The following SGPP1 variants were observed in gnomAD, a reference collection of about 807,000 sequenced individuals.
SGPP1 encodes the protein sphingosine-1-phosphate phosphatase 1, also known as hSPP1.
In SGPP1, 21 loss-of-function variants were observed where a neutral mutation model predicts 33.0. That is an observed-to-expected ratio of 0.64 (90% confidence interval 0.45 to 0.92). The LOEUF (loss-of-function observed/expected upper bound fraction) is 0.92. Among genes scored for constraint, SGPP1 ranks in the 40% least tolerant of loss-of-function variants. SGPP1 has a pLI of 0.00. For synonymous variants in SGPP1, 239 were observed against 241.2 expected (o/e 0.99, Z 0.08); for missense variants, 543 against 589.4 (o/e 0.92, Z 0.81).
At chr14:63,710,759 C>T (rs904471178) in intron 1 of SGPP1, among the ~76,000 whole-genome samples, 11 of 152,106 alleles carry the variant, frequency 7.2e-5, no homozygotes, top group Admixed American at 3.9e-4. Flanking sequence ...TCCTAAGGGA[C>T]GAGATCATGT....
chr14:63,702,963 G>GA (rs1255107820), intron 1 of SGPP1, among the ~76,000 whole-genome samples: 1 of 151,886 alleles, frequency 6.6e-6, no homozygotes, highest in African/African-American at 2.4e-5. Flanking sequence ...ATATGTACAG[G>GA]AAAAAAACAG....
chr14:63,711,212 C>A (rs113406905), intron 1 of SGPP1, among the ~76,000 whole-genome samples: 1 of 151,834 alleles, frequency 6.6e-6, no homozygotes, highest in Non-Finnish European at 1.5e-5. Flanking sequence ...ACGGGATTTC[C>A]ACATGTTGGC....
chr14:63,722,708 G>C (rs527715097), intron 1 of SGPP1, among the ~76,000 whole-genome samples: 1 of 152,138 alleles, frequency 6.6e-6, no homozygotes, highest in East Asian at 1.9e-4. Context: ...GCTGACGCCT[G>C]TAATACCAGC....
At chr14:63,695,065 TA>T (rs532355853) in intron 2 of SGPP1, among the ~76,000 whole-genome samples, 428 of 152,254 alleles carry the variant, frequency 2.8e-3, no homozygotes, top group Non-Finnish European at 4.7e-3. Flanking sequence ...TATTTTATTT[TA>T]TTTTTTTTGA....
intron 1 of SGPP1, among the ~76,000 whole-genome samples, chr14:63,715,426 T>C (rs1309975244): frequency 6.6e-6 from 1 of 152,206 alleles, no homozygotes; most frequent in Non-Finnish European, 1.5e-5. Flanking sequence ...GTCTATTTTA[T>C]TGTTTAAAGT....
intron 1 of SGPP1, among the ~76,000 whole-genome samples, chr14:63,701,679 AC>A (rs1318543264): frequency 6.6e-6 from 1 of 152,108 alleles, no homozygotes; most frequent in Non-Finnish European, 1.5e-5. Flanking sequence ...CTGGGAGGCC[AC>A]CATAAGAAAA....
At chr14:63,707,150 A>T (rs887217261) in intron 1 of SGPP1, among the ~76,000 whole-genome samples, 1 of 151,900 alleles carries the variant, frequency 6.6e-6, no homozygotes, top group Non-Finnish European at 1.5e-5. Flanking sequence ...ACCTATTTGC[A>T]TCTAATGTCA....
At chr14:63,707,999 A>C (rs886186250) in intron 1 of SGPP1, among the ~76,000 whole-genome samples, 2 of 152,158 alleles carry the variant, frequency 1.3e-5, no homozygotes, top group African/African-American at 4.8e-5. Context: ...TTACAATGGC[A>C]AACTCAAATT....
chr14:63,718,586 G>A (rs184936508), intron 1 of SGPP1, among the ~76,000 whole-genome samples: 2,054 of 151,998 alleles, frequency 0.014, 57 homozygotes, highest in African/African-American at 0.047. Flanking sequence ...CAAAGAGAGG[G>A]CAGGGATAAG....
chr14:63,696,481 A>G lies in SGPP1; in HGVS notation c.774+2088T>C, dbSNP rs375302876. Among the ~76,000 whole-genome samples the G allele has an allele frequency of 1.8e-4, 27 of 152,342 alleles. No individual in the cohort carries two copies. The East Asian group carries it at 4.6e-3, about 26-fold the overall frequency. ...AGTTTTTTCAGAAGTAGTGATGCTA[A>G]CTTTTAGGGGTGGAACAGAATAACT... On this transcript the variant is annotated intron_variant, in intron 2 of 2. Coordinates refer to ENST00000247225, the MANE Select transcript of SGPP1 (RefSeq NM_030791.4).
intron 1 of SGPP1, among the ~76,000 whole-genome samples, chr14:63,725,924 A>C (rs1258531712): frequency 1.3e-5 from 2 of 152,228 alleles, no homozygotes; most frequent in Non-Finnish European, 2.9e-5. Flanking sequence ...AAATTCTGAA[A>C]TATTTAGATT....
chr14:63,721,406 T>C (rs1885768556), intron 1 of SGPP1, among the ~76,000 whole-genome samples: 1 of 151,516 alleles, frequency 6.6e-6, no homozygotes, highest in South Asian at 2.1e-4. Context: ...ATCATGCCAC[T>C]GCACTCCAGC....
intron 1 of SGPP1, among the ~76,000 whole-genome samples, chr14:63,713,029 G>C (rs2139648333): frequency 6.6e-6 from 1 of 151,544 alleles, no homozygotes; most frequent in East Asian, 1.9e-4. Context: ...TGGGATTACA[G>C]ACCTGCACCA....
At chr14:63,718,873 G>A in intron 1 of SGPP1, among the ~76,000 whole-genome samples, 2 of 148,422 alleles carry the variant, frequency 1.3e-5, no homozygotes, top group Non-Finnish European at 3.0e-5. Context: ...CCTATGGAAA[G>A]TTCTTCAACT....
chr14:63,727,966 G>T lies in SGPP1; in HGVS notation c.-22C>A. The stretch of plus-strand genomic sequence containing the variant: ...ACATGATAACGGAACCCCCGGGAAG[G>T]CGGGCCGGCCTCCGGCGCAGCCCCG... On this transcript the variant is annotated 5_prime_UTR_variant, in exon 1 of 3. Transcript: ENST00000247225. 1 of 1,535,212 alleles carries T rather than the reference G, an allele frequency of 6.5e-7. No individual in the cohort carries two copies. The highest frequency in any genetic ancestry group is 8.7e-7 in the Non-Finnish European group (1 of 1,150,288).
intron 1 of SGPP1, among the ~76,000 whole-genome samples, chr14:63,707,180 T>C (rs564235922): frequency 2.0e-5 from 3 of 152,152 alleles, no homozygotes; most frequent in Non-Finnish European, 4.4e-5. Flanking sequence ...CTGTTTCTCT[T>C]TTGAACTCTT....
intron 2 of SGPP1, among the ~76,000 whole-genome samples, chr14:63,688,911 C>T (rs905270592): frequency 2.0e-5 from 3 of 151,790 alleles, no homozygotes; most frequent in African/African-American, 7.3e-5. Context: ...TTAGTAGAGA[C>T]GGGGTTTCAC....
At chr14:63,722,927 G>A (rs565325133) in intron 1 of SGPP1, among the ~76,000 whole-genome samples, 49 of 149,784 alleles carry the variant, frequency 3.3e-4, no homozygotes, top group African/African-American at 1.1e-3. Flanking sequence ...AGCCGGAATC[G>A]TGCCACTGTA....
intron 1 of SGPP1, among the ~76,000 whole-genome samples, chr14:63,708,635 T>C (rs1244832392): frequency 6.6e-6 from 1 of 152,248 alleles, no homozygotes; most frequent in East Asian, 1.9e-4. Context: ...AGGCAGACAT[T>C]AGGAGAAATA....
Sources: gnomAD v4.1 joint callset for allele counts (sites outside exome capture counted in the v4.1 genomes callset) on GRCh38, gnomAD v4.1.1 for gene constraint, MANE v1.5 for transcripts, NCBI Gene and HGNC (gene_info 2026-07-23, HGNC 2026-07-21) for gene names.